Variants in LRMDA observed in about 807,000 individuals in gnomAD.
The protein encoded by LRMDA is leucine rich melanocyte differentiation associated, also known as leucine-rich melanocyte differentiation-associated protein.
LRMDA carries 18 observed loss-of-function variants against 29.8 expected under a neutral mutation model. That is an observed-to-expected ratio of 0.60 (90% CI 0.42 to 0.90). The LOEUF (loss-of-function observed/expected upper bound fraction) is 0.90, where lower values mean the gene tolerates loss of function less well. Ranked by LOEUF, LRMDA falls within the 40% of genes least tolerant of loss-of-function variation. The pLI is 0.00. For synonymous variants in LRMDA, 125 were observed against 109.4 expected (o/e 1.14, Z -0.89); for missense variants, 273 against 273.9 (o/e 1.00, Z 0.02).
At chr10:75,805,167 T>C (rs1422968972) in intron 2 of LRMDA, among the ~76,000 whole-genome samples, 2 of 152,192 alleles carry the variant, frequency 1.3e-5, no homozygotes, top group African/African-American at 2.4e-5. Context: ...CTAGCCTCCA[T>C]AGACTAGTGT....
chr10:75,529,848 A>G (rs868202914), intron 2 of LRMDA, among the ~76,000 whole-genome samples: 1 of 152,228 alleles, frequency 6.6e-6, no homozygotes, highest in African/African-American at 2.4e-5. Flanking sequence ...ATATTGGAAA[A>G]ATGGAGGCAG....
chr10:76,059,862 T>C (rs1423154069), intron 5 of LRMDA, among the ~76,000 whole-genome samples: 1 of 152,208 alleles, frequency 6.6e-6, no homozygotes, highest in Non-Finnish European at 1.5e-5. Context: ...TGCTAGCAGT[T>C]GTGGAAATAT....
intron 2 of LRMDA, among the ~76,000 whole-genome samples, chr10:75,691,278 A>ATC (rs1381296699): frequency 6.7e-6 from 1 of 149,204 alleles, no homozygotes; most frequent in African/African-American, 2.5e-5. Context: ...ATATATATAT[A>ATC]TCTTTTTCTG....
intron 6 of LRMDA, among the ~76,000 whole-genome samples, chr10:76,525,329 A>G (rs964795214): frequency 1.3e-5 from 2 of 152,188 alleles, no homozygotes; most frequent in Admixed American, 1.3e-4. Context: ...AATGGGGAGA[A>G]ACTTTCTGTT....
At chr10:75,536,228 C>T (rs1839942607) in intron 2 of LRMDA, among the ~76,000 whole-genome samples, 1 of 152,140 alleles carries the variant, frequency 6.6e-6, no homozygotes, top group African/African-American at 2.4e-5. Context: ...CCTTTCCTAG[C>T]TGCTCAGGTT....
At chr10:76,222,715 C>A (rs2132260046) in intron 5 of LRMDA, among the ~76,000 whole-genome samples, 1 of 152,232 alleles carries the variant, frequency 6.6e-6, no homozygotes, top group South Asian at 2.1e-4. Context: ...TGTGGCGATT[C>A]CTTGGATCTA....
intron 5 of LRMDA, among the ~76,000 whole-genome samples, chr10:76,258,778 C>T (rs1264902013): frequency 6.6e-6 from 1 of 151,904 alleles, no homozygotes; most frequent in Non-Finnish European, 1.5e-5. Context: ...TCCATGTTGC[C>T]GTGAATGACA....
chr10:76,180,705 C>T (rs1252893794), intron 5 of LRMDA, among the ~76,000 whole-genome samples: 6 of 152,248 alleles, frequency 3.9e-5, no homozygotes, highest in Middle Eastern at 6.8e-3. Flanking sequence ...CCCCTTTACC[C>T]CTGGTTCCAT....
intron 2 of LRMDA, among the ~76,000 whole-genome samples, chr10:75,913,886 C>T (rs1293402209): frequency 6.6e-6 from 1 of 152,170 alleles, no homozygotes; most frequent in Non-Finnish European, 1.5e-5. Flanking sequence ...CTTATTTTCC[C>T]GTATGAATCC....
rs1841348183 is a variant in LRMDA at position 76,363,254 on chromosome 10, A to AGAAAGAAAGAAG, written c.601+38772_601+38773insAGAAAGAAGGAA. Among the ~76,000 whole-genome samples the AGAAAGAAAGAAG allele has an allele frequency of 4.3e-5, 2 of 46,402 alleles. 1 individual carries two copies. Among genetic ancestry groups the AGAAAGAAAGAAG allele is most frequent in the African/African-American group, 1.9e-4 (2 of 10,656 alleles). 30.4% of individuals were successfully genotyped at this position (46,402 alleles called of 152,430 possible). A position where few individuals can be genotyped will look rare whatever the true frequency, so the allele number is the denominator to read the frequency against. On this transcript the variant is annotated intron_variant, in intron 6 of 6. Coordinates refer to ENST00000611255, the MANE Select transcript of LRMDA (RefSeq NM_001305581.2). ...AAGAAAGAAAGAAAGAAAGAAAGAA[A>AGAAAGAAAGAAG]GAAGGAAGGAAGGAAGGAAGGAAAG...
intron 6 of LRMDA, among the ~76,000 whole-genome samples, chr10:76,408,235 ACTGTGGTAATGT>A (rs1841922773): frequency 6.6e-6 from 1 of 152,154 alleles, no homozygotes; most frequent in African/African-American, 2.4e-5. Flanking sequence ...CCAGCGCACA[ACTGTGGTAATGT>A]CTGTGGTCAA....
At chr10:75,941,279 C>T (rs1846387353) in intron 2 of LRMDA, among the ~76,000 whole-genome samples, 1 of 152,154 alleles carries the variant, frequency 6.6e-6, no homozygotes, top group Non-Finnish European at 1.5e-5. Context: ...TGCCCGTTGG[C>T]CTCCTGAGAC....
At chr10:75,800,063 C>A (rs1172360522) in intron 2 of LRMDA, among the ~76,000 whole-genome samples, 6 of 152,058 alleles carry the variant, frequency 3.9e-5, no homozygotes, top group Admixed American at 3.9e-4. Flanking sequence ...GTTGAGTGGT[C>A]CTTTTTTCCC....
chr10:76,287,303 T>C (rs781502900), intron 5 of LRMDA, among the ~76,000 whole-genome samples: 1 of 152,026 alleles, frequency 6.6e-6, no homozygotes, highest in Non-Finnish European at 1.5e-5. Flanking sequence ...AACATCCCAT[T>C]TGTCAAGGGC....
At chr10:75,790,488 A>G (rs1843547081) in intron 2 of LRMDA, among the ~76,000 whole-genome samples, 1 of 152,212 alleles carries the variant, frequency 6.6e-6, no homozygotes, top group South Asian at 2.1e-4. Context: ...ACATGACCCC[A>G]GGTGGGACAG....
chr10:75,906,244 G>A (rs544415975), intron 2 of LRMDA, among the ~76,000 whole-genome samples: 2 of 152,104 alleles, frequency 1.3e-5, no homozygotes, highest in South Asian at 2.1e-4. Context: ...AGCACTGTTG[G>A]TTGTCAGCTT....
chr10:75,514,180 T>TC (rs57324450), intron 2 of LRMDA, among the ~76,000 whole-genome samples: 3,411 of 139,544 alleles, frequency 0.024, 63 homozygotes, highest in Non-Finnish European at 0.037. Context: ...TTTTTTTTTT[T>TC]CCTTTCTTCT....
intron 5 of LRMDA, among the ~76,000 whole-genome samples, chr10:76,320,023 A>G (rs538044133): frequency 6.6e-6 from 1 of 152,294 alleles, no homozygotes; most frequent in South Asian, 2.1e-4. Context: ...AGAGATATCC[A>G]CCGGACTGTA....
At chr10:76,125,667 GGCGT>G (rs1849867725) in intron 5 of LRMDA, among the ~76,000 whole-genome samples, 3 of 152,160 alleles carry the variant, frequency 2.0e-5, no homozygotes, top group Admixed American at 2.0e-4. Flanking sequence ...AGAGGAGGAG[GGCGT>G]GATGGCTGGA....
Sources: allele counts gnomAD v4.1 joint callset (sites outside exome capture counted in the v4.1 genomes callset), GRCh38; gene constraint gnomAD v4.1.1; transcripts MANE v1.5; gene names NCBI Gene and HGNC (gene_info 2026-07-23, HGNC 2026-07-21).